DGKG: variants seen among roughly 807,000 people sequenced by gnomAD.
The protein encoded by DGKG is diacylglycerol kinase gamma.
A neutral mutation model predicts 105.3 loss-of-function variants in DGKG; 78 were observed. The observed-to-expected ratio is 0.74, with a 90% CI of 0.62 to 0.89. The LOEUF is 0.89. DGKG is among the 40% of genes least tolerant of loss of function. The pLI is 0.00. For synonymous variants in DGKG, 346 were observed against 367.1 expected, an observed-to-expected ratio of 0.94 and a Z score of 0.66; for missense variants, 958 against 1,020.1, an observed-to-expected ratio of 0.94 and a Z score of 0.83.
chr3:186,228,244 T>A (rs1490354972), intron 20 of DGKG, among the ~76,000 whole-genome samples: 1 of 152,168 alleles, frequency 6.6e-6, no homozygotes, highest in Admixed American at 6.5e-5. Flanking sequence ...GTGTACTGAC[T>A]CCTCCAGGGC....
chr3:186,188,590 G>C (rs545594405), intron 21 of DGKG, among the ~76,000 whole-genome samples: 107 of 152,136 alleles, frequency 7.0e-4, no homozygotes, highest in Non-Finnish European at 1.2e-3. Context: ...GACAGATCCA[G>C]TCCTGGTCAG....
At chr3:186,229,554 GC>G (rs1409448041) in intron 20 of DGKG, among the ~76,000 whole-genome samples, 57 of 152,250 alleles carry the variant, frequency 3.7e-4, no homozygotes, top group African/African-American at 1.3e-3. Context: ...CAGACATGCA[GC>G]TTTTAGAGCT....
At chr3:186,262,060 T>C (rs1483778954) in intron 14 of DGKG, 2 of 321,436 alleles carry the variant, frequency 6.2e-6, no homozygotes, top group Admixed American at 4.7e-5. Flanking sequence ...CGTGGTCTTG[T>C]ACCTACAGCA....
At position 186,210,029 on chromosome 3, in the gene DGKG, C is replaced by T. The variant is rs1490961822; in HGVS notation, c.1917+1766G>A. 6.6e-6 allele frequency among the ~76,000 whole-genome samples: 1 copy of T among 152,216 alleles called. No individual in the cohort carries two copies. Among genetic ancestry groups the T allele is most frequent in the Admixed American group, 6.5e-5 (1 of 15,288 alleles). ...GAACAACCCCACCCCCTCCAGAGGC[C>T]ACCAGTGTCTTTAGCAACGAGGCCC... On this transcript the variant is annotated intron_variant, in intron 21 of 24. Transcript: ENST00000265022. This position sits in a 1 kb window ranked among gnomAD's most constrained non-coding sequence, Gnocchi z 5.2.
In DGKG at chr3:186,203,679, C is replaced by G. The variant is rs529788543; in HGVS notation, c.1917+8116G>C. Among the ~76,000 whole-genome samples the G allele has an allele frequency of 6.6e-6, 1 of 152,294 alleles. No individual in the cohort carries two copies. Among genetic ancestry groups the G allele is most frequent in the African/African-American group, 2.4e-5 (1 of 41,544 alleles). On this transcript the variant is annotated intron_variant, in intron 21 of 24. Coordinates refer to ENST00000265022, the MANE Select transcript of DGKG (RefSeq NM_001346.3). This position sits in a 1 kb window ranked among gnomAD's most constrained non-coding sequence, Gnocchi z 4.9. ...GGAATAAACTAGAAGGAGGAGCTCT[C>G]TCAGGACCATTCTAGCCTTACTTTT...
intron 2 of DGKG, among the ~76,000 whole-genome samples, chr3:186,318,779 A>G (rs1252707019): frequency 1.3e-5 from 2 of 152,144 alleles, no homozygotes; most frequent in Non-Finnish European, 2.9e-5. Flanking sequence ...TTGATTGTGG[A>G]CTTCTAGCTC....
chr3:186,314,052 A>T (rs1274226007), intron 2 of DGKG, among the ~76,000 whole-genome samples: 2 of 152,186 alleles, frequency 1.3e-5, no homozygotes, highest in Non-Finnish European at 2.9e-5. Flanking sequence ...AAAGTCAGAA[A>T]CTTTGTCATA....
At chr3:186,293,109 A>G (rs1186215491) in intron 5 of DGKG, among the ~76,000 whole-genome samples, 2 of 152,190 alleles carry the variant, frequency 1.3e-5, no homozygotes, top group Admixed American at 6.5e-5. Context: ...ACAGCTGATG[A>G]ATACATCAAC....
chr3:186,182,701 A>AT (rs919978359), intron 22 of DGKG, among the ~76,000 whole-genome samples: 8 of 149,566 alleles, frequency 5.3e-5, no homozygotes, highest in African/African-American at 4.9e-5. Context: ...TAACTCTAAG[A>AT]TTTTTTTTTT....
At chr3:186,263,020 G>A (rs983981999) in intron 14 of DGKG, among the ~76,000 whole-genome samples, 10 of 151,918 alleles carry the variant, frequency 6.6e-5, no homozygotes, top group African/African-American at 1.7e-4. Context: ...CCAGCTACTC[G>A]GGAGGCTGAG....
chr3:186,350,597 TA>T (rs1726583044), intron 1 of DGKG, among the ~76,000 whole-genome samples: 1 of 152,140 alleles, frequency 6.6e-6, no homozygotes, highest in African/African-American at 2.4e-5. Flanking sequence ...TTTTGGGGAG[TA>T]TATACCCAGA....
intron 14 of DGKG, among the ~76,000 whole-genome samples, chr3:186,264,520 T>C (rs1448001407): frequency 6.6e-6 from 1 of 152,224 alleles, no homozygotes; most frequent in African/African-American, 2.4e-5. Flanking sequence ...CGCCTCAGCA[T>C]CCCAAACTGC....
In DGKG at chr3:186,292,926, A is replaced by G. The variant is rs146894687; in HGVS notation, c.374-4046T>C. Among the ~76,000 whole-genome samples, 919 of 152,328 alleles carry G rather than the reference A, an allele frequency of 6.0e-3. 12 individuals are homozygous for G. The highest frequency in any genetic ancestry group is 0.021 in the African/African-American group (869 of 41,572). Reference sequence around the variant, plus strand: ...ATTACACACACACACATGTAATTGCATTGGTAAAATTATGGATGATTTTAT... The same window carrying G: ...ATTACACACACACACATGTAATTGCGTTGGTAAAATTATGGATGATTTTAT... On this transcript the variant is annotated intron_variant, in intron 5 of 24. Coordinates refer to ENST00000265022, the MANE Select transcript of DGKG (RefSeq NM_001346.3).
chr3:186,198,379 T>A lies in DGKG; in HGVS notation c.1918-10000A>T, dbSNP rs1560090832. The stretch of plus-strand genomic sequence containing the variant: ...CAAGAGTAGGGCACATGGGGCATGT[T>A]TTATATGAGAGAGACATTAAGAGGC... On this transcript the variant is annotated intron_variant, in intron 21 of 24. Transcript: ENST00000265022. 2.0e-5 allele frequency among the ~76,000 whole-genome samples: 3 copies of A among 152,148 alleles called. No individual in the cohort carries two copies. In the South Asian group the frequency reaches 6.2e-4, roughly 31 times the overall value.
intron 14 of DGKG, among the ~76,000 whole-genome samples, chr3:186,263,880 A>T (rs944752720): frequency 6.6e-6 from 1 of 152,178 alleles, no homozygotes; most frequent in East Asian, 1.9e-4. Context: ...GCTTTTCCAG[A>T]TCTCAAGCTA....
chr3:186,267,606 T>G, intron 13 of DGKG, 79 bp downstream of exon 13: 1 of 1,066,608 alleles, frequency 9.4e-7, no homozygotes, highest in Non-Finnish European at 1.5e-6. Context: ...CTGGGAAGGA[T>G]GTGAATGTCT....
intron 3 of DGKG, among the ~76,000 whole-genome samples, chr3:186,305,742 C>A (rs1724203928): frequency 6.6e-6 from 1 of 152,112 alleles, no homozygotes; most frequent in Admixed American, 6.6e-5. Flanking sequence ...ATTTTGGATA[C>A]ATTTTGAAGG....
chr3:186,243,673 C>T (rs1360584509), intron 19 of DGKG, among the ~76,000 whole-genome samples: 1 of 152,102 alleles, frequency 6.6e-6, no homozygotes, highest in African/African-American at 2.4e-5. Context: ...CATACTGGTA[C>T]TTTGGGTGCA....
intron 20 of DGKG, among the ~76,000 whole-genome samples, chr3:186,235,207 A>T (rs6793880): frequency 0.03 from 4,567 of 152,336 alleles, 172 homozygotes; most frequent in Middle Eastern, 0.11. Context: ...GTTCTTGAGC[A>T]CAAAACATAA....
Sources: allele counts gnomAD v4.1 joint callset (sites outside exome capture counted in the v4.1 genomes callset), GRCh38; gene constraint gnomAD v4.1.1; non-coding constraint Gnocchi (gnomAD v3.1); transcripts MANE v1.5; gene names NCBI Gene and HGNC (gene_info 2026-07-23, HGNC 2026-07-21).